The following SENP6 variants were observed in gnomAD, a reference collection of about 807,000 sequenced individuals.
SENP6 encodes the protein sentrin-specific protease 6.
In SENP6, 41 loss-of-function variants were observed where a neutral mutation model predicts 134.5. The ratio of observed to expected loss-of-function variants is 0.30; its 90% confidence interval spans 0.24 to 0.40. The LOEUF is 0.40. Ranked by LOEUF, SENP6 falls within the 10% of genes least tolerant of loss-of-function variation. The pLI, the probability that SENP6 is intolerant of heterozygous loss-of-function variation, is 1.00. For synonymous variants in SENP6, 395 were observed against 429.8 expected (o/e 0.92, Z 1.00); for missense variants, 1,248 against 1,312.5 (o/e 0.95, Z 0.76).
intron 3 of SENP6, among the ~76,000 whole-genome samples, chr6:75,629,898 G>C (rs1200039878): frequency 1.3e-5 from 2 of 152,062 alleles, no homozygotes; most frequent in Admixed American, 6.6e-5. Context: ...CAGCAGATAT[G>C]AGTGAGTTTT....
At chr6:75,707,747 A>G (rs185381938) in intron 19 of SENP6, among the ~76,000 whole-genome samples, 1 of 152,168 alleles carries the variant, frequency 6.6e-6, no homozygotes, top group East Asian at 1.9e-4. Context: ...CAGCAATACA[A>G]TCACAGTTCA....
At chr6:75,657,288 C>T (rs1249730344) in intron 7 of SENP6, among the ~76,000 whole-genome samples, 1 of 152,130 alleles carries the variant, frequency 6.6e-6, no homozygotes, top group African/African-American at 2.4e-5. Context: ...AAATGTCTGC[C>T]TTCTTTTTAT....
chr6:75,714,435 CAGAT>C (rs1489215166), intron 23 of SENP6, among the ~76,000 whole-genome samples: 1 of 152,164 alleles, frequency 6.6e-6, no homozygotes, highest in Non-Finnish European at 1.5e-5. Flanking sequence ...CATTTAATGT[CAGAT>C]AGATTTACTT....
intron 1 of SENP6, among the ~76,000 whole-genome samples, chr6:75,618,030 A>G (rs753653439): frequency 1.4e-4 from 21 of 152,232 alleles, no homozygotes; most frequent in Non-Finnish European, 2.2e-4. Flanking sequence ...CATGAATAAG[A>G]CATATCACTA....
In SENP6 at chr6:75,659,337, G is replaced by A. The variant is rs751354253; in HGVS notation, c.626G>A (p.Arg209Gln). The A allele has an allele frequency of 3.7e-6, 6 of 1,610,838 alleles. No homozygotes were observed. The highest frequency in any genetic ancestry group is 3.4e-6 in the Non-Finnish European group (4 of 1,177,350). ...ATTAAGAGGAAAGTACAACAGAAAC[G>A]ACACTGTAGTACCTATCAGCCTACT... ...PEIKRKVQQK[R>Q]HCSTYQPTPP... The change falls in exon 8 of 24, where the codon CGA (arginine) becomes CAA (glutamine). Residue 209 changes from arginine (R) to glutamine (Q), a missense_variant. Arg to Gln is a conservative substitution (Grantham distance 43). This residue lies in a region of SENP6 where 733 missense variants were observed against 725.4 expected (regional missense o/e 1.01). Transcript: ENST00000447266.
At chr6:75,621,247 A>G (rs1768245977) in intron 1 of SENP6, among the ~76,000 whole-genome samples, 1 of 152,172 alleles carries the variant, frequency 6.6e-6, no homozygotes, top group Non-Finnish European at 1.5e-5. Flanking sequence ...GGCTGATTTT[A>G]TATATATTCA....
intron 18 of SENP6, among the ~76,000 whole-genome samples, chr6:75,699,294 C>T (rs924805118): frequency 6.7e-6 from 1 of 149,676 alleles, no homozygotes; most frequent in African/African-American, 2.5e-5. Flanking sequence ...TGTAAGAGAG[C>T]TCTACCATTT....
intron 16 of SENP6, among the ~76,000 whole-genome samples, chr6:75,688,221 C>G (rs1016337112): frequency 6.6e-6 from 1 of 152,258 alleles, no homozygotes; most frequent in Non-Finnish European, 1.5e-5. Context: ...GAGAGAATCA[C>G]CTTGTCTGCT....
intron 11 of SENP6, among the ~76,000 whole-genome samples, chr6:75,673,001 G>T (rs950863782): frequency 2.0e-5 from 3 of 151,944 alleles, no homozygotes; most frequent in Non-Finnish European, 4.4e-5. Flanking sequence ...CTAATTTTTT[G>T]TATTTTTAGT....
At chr6:75,634,510 T>A (rs1243249730) in intron 4 of SENP6, among the ~76,000 whole-genome samples, 197 bp from the exon 5 acceptor site, 1 of 152,098 alleles carries the variant, frequency 6.6e-6, no homozygotes, top group Non-Finnish European at 1.5e-5. Flanking sequence ...AAATTTTTCT[T>A]TAATTGGATT....
At chr6:75,705,756 T>C (rs1395624879) in intron 19 of SENP6, among the ~76,000 whole-genome samples, 1 of 151,636 alleles carries the variant, frequency 6.6e-6, no homozygotes, top group Non-Finnish European at 1.5e-5. Flanking sequence ...TTTTAACACC[T>C]TGCTCATGGA....
At chr6:75,668,105 C>A (rs894026742) in intron 10 of SENP6, among the ~76,000 whole-genome samples, 2 of 151,938 alleles carry the variant, frequency 1.3e-5, no homozygotes, top group African/African-American at 2.4e-5. Context: ...ACAACAAAAG[C>A]AATCATAAGG....
chr6:75,676,153 A>T, intron 13 of SENP6, 99 bp downstream of exon 13: 2 of 683,998 alleles, frequency 2.9e-6, no homozygotes, highest in Non-Finnish European at 4.5e-6. Context: ...CAGATGCCTT[A>T]GGTGTATATT....
chr6:75,664,231 G>GGCA (rs1772013548), intron 9 of SENP6, among the ~76,000 whole-genome samples: 1 of 151,350 alleles, frequency 6.6e-6, no homozygotes, highest in South Asian at 2.1e-4. Context: ...TTGAAGTGTA[G>GGCA]CCAGGGCAAT....
intron 11 of SENP6, among the ~76,000 whole-genome samples, chr6:75,674,887 A>T (rs1441922487): frequency 6.6e-6 from 1 of 152,200 alleles, no homozygotes; most frequent in African/African-American, 2.4e-5. Context: ...CTTTCCATAT[A>T]TCTATTCATC....
At chr6:75,663,571 A>G in intron 9 of SENP6, 53 bp downstream of exon 9, 2 of 1,400,096 alleles carry the variant, frequency 1.4e-6, no homozygotes, top group South Asian at 1.3e-5. Context: ...TATTTTTCAG[A>G]TATATTTTTA....
chr6:75,652,330 T>C (rs2647403), intron 7 of SENP6, among the ~76,000 whole-genome samples: 47,474 of 151,592 alleles, frequency 0.31, 8,746 homozygotes, highest in Admixed American at 0.48. Flanking sequence ...TATATCCAAG[T>C]TTCTATAATC....
intron 6 of SENP6, 152 bp from the exon 7 acceptor site, chr6:75,647,579 G>T: frequency 2.5e-6 from 1 of 401,026 alleles, no homozygotes. Flanking sequence ...TTCATTTATT[G>T]GTATAGTTTT....
chr6:75,642,586 G>A (rs1031750995), intron 6 of SENP6, among the ~76,000 whole-genome samples: 7 of 152,180 alleles, frequency 4.6e-5, no homozygotes, highest in African/African-American at 1.7e-4. Flanking sequence ...GTTATGAGAC[G>A]GGTTTGGAGA....
Sources: allele counts gnomAD v4.1 joint callset (sites outside exome capture counted in the v4.1 genomes callset), GRCh38; gene constraint gnomAD v4.1.1; regional missense constraint gnomAD v4.1.1; transcripts MANE v1.5; gene names NCBI Gene and HGNC (gene_info 2026-07-23, HGNC 2026-07-21).